The following DOCK9 variants were observed in gnomAD, a reference collection of about 807,000 sequenced individuals.
DOCK9 encodes the protein dedicator of cytokinesis protein 9.
Under a neutral mutation model 263.3 loss-of-function variants are expected in DOCK9, and 89 were observed. That is an observed-to-expected ratio of 0.34 (90% CI 0.28 to 0.40). The LOEUF is 0.40. DOCK9 is among the 10% of genes least tolerant of loss of function. The pLI is 1.00. For missense variants in DOCK9, 2,140 were observed against 2,603.4 expected, an observed-to-expected ratio of 0.82 and a Z score of 3.87; for synonymous variants, 976 against 973.1, an observed-to-expected ratio of 1.00 and a Z score of -0.06.
rs762302499 is a variant in DOCK9 at position 98,817,364 on chromosome 13, G to C, written c.5130+7034C>G. Among the ~76,000 whole-genome samples, 7 of 150,478 alleles carry C rather than the reference G, an allele frequency of 4.7e-5. 1 individual carries two copies. The highest frequency in any genetic ancestry group is 3.0e-5 in the Non-Finnish European group (2 of 67,768). On this transcript the variant is annotated intron_variant, in intron 45 of 52. Transcript: ENST00000682017. ...TGCTTCCTGTTAAACCTGCGGAACT[G>C]TGAGTCAATTAAACCTTTTTTCTTT...
chr13:98,874,369 C>T (rs1418164057), intron 27 of DOCK9, among the ~76,000 whole-genome samples: 1 of 152,214 alleles, frequency 6.6e-6, no homozygotes, highest in African/African-American at 2.4e-5. Flanking sequence ...GGAGTTACCA[C>T]AATTTGTGTA....
At chr13:99,014,792 G>A (rs1464663891) in intron 1 of DOCK9, among the ~76,000 whole-genome samples, 1 of 152,118 alleles carries the variant, frequency 6.6e-6, no homozygotes, top group Non-Finnish European at 1.5e-5. Context: ...TGGTGGGAAG[G>A]CCACAAGAGG....
intron 1 of DOCK9, among the ~76,000 whole-genome samples, chr13:99,008,786 G>A (rs1883949578): frequency 6.6e-6 from 1 of 152,138 alleles, no homozygotes; most frequent in South Asian, 2.1e-4. Flanking sequence ...GGGGTCCCAG[G>A]AGGATCATTT....
At chr13:98,964,186 C>T (rs1850048954) in intron 1 of DOCK9, among the ~76,000 whole-genome samples, 1 of 152,222 alleles carries the variant, frequency 6.6e-6, no homozygotes, top group African/African-American at 2.4e-5. Flanking sequence ...TGAATGACAG[C>T]AGCAGGGACC....
At chr13:98,955,005 T>A (rs550942028) in intron 2 of DOCK9, among the ~76,000 whole-genome samples, 115 of 152,260 alleles carry the variant, frequency 7.6e-4, no homozygotes, top group African/African-American at 2.6e-3. Flanking sequence ...TTAAATAACA[T>A]CTTATTTTCA....
intron 1 of DOCK9, among the ~76,000 whole-genome samples, chr13:99,010,365 A>T (rs1209158203): frequency 6.6e-6 from 1 of 152,240 alleles, no homozygotes; most frequent in Non-Finnish European, 1.5e-5. Context: ...AGACAAGGAA[A>T]AATTGAATTG....
chr13:98,931,067 G>A (rs867939082), intron 2 of DOCK9, among the ~76,000 whole-genome samples: 1 of 152,084 alleles, frequency 6.6e-6, no homozygotes, highest in Non-Finnish European at 1.5e-5. Context: ...CATCCCCAGC[G>A]CCTAAGAGCA....
chr13:98,822,326 G>C (rs1291316922), intron 45 of DOCK9, among the ~76,000 whole-genome samples: 1 of 152,160 alleles, frequency 6.6e-6, no homozygotes, highest in Non-Finnish European at 1.5e-5. Flanking sequence ...AATTCATTAG[G>C]CTCTAACATA....
intron 1 of DOCK9, among the ~76,000 whole-genome samples, chr13:98,975,361 C>CAAAAA (rs759586261): frequency 8.1e-6 from 1 of 123,252 alleles, no homozygotes; most frequent in Non-Finnish European, 1.8e-5. Flanking sequence ...GACTTTGTCT[C>CAAAAA]AAAAAAAAAA....
Position 98,880,661 on chromosome 13 carries a change from C to T in DOCK9, c.2757G>A (p.Lys919=), listed in dbSNP as rs1471799419. The T allele has an allele frequency of 1.9e-6, 3 of 1,613,502 alleles. No homozygotes were observed. Among genetic ancestry groups the T allele is most frequent in the East Asian group, 4.5e-5 (2 of 44,872 alleles). The change falls in exon 26 of 53, where the codon AAG becomes AAA. Residue 919 remains lysine, a synonymous_variant. Transcript: ENST00000682017. ...ATTCAGAGGCAACATATGGCTCAGC[C>T]TTATACGCGTACTTTGAAGAAAAGA... ...HLRSYVKYAY[K]AEPYVASEYK... is the part of the protein sequence containing the mutation.
intron 1 of DOCK9, among the ~76,000 whole-genome samples, chr13:99,015,166 T>C (rs376998437): frequency 1.3e-5 from 2 of 152,358 alleles, no homozygotes; most frequent in East Asian, 1.9e-4. Context: ...TCTAGGACTA[T>C]ACCAAGAACA....
In DOCK9 at chr13:98,976,054, G is replaced by A. The variant is rs556809662; in HGVS notation, c.126+1730C>T. ...CCTGCTGAAATATCCTTGCTTCCCT[G>A]ATCTGACATTAGCTCTTCTTATCTT... On this transcript the variant is annotated intron_variant, in intron 1 of 52. Coordinates refer to ENST00000682017, the MANE Select transcript of DOCK9 (RefSeq NM_001366683.2). Among the ~76,000 whole-genome samples, 3 of 152,114 alleles carry A rather than the reference G, an allele frequency of 2.0e-5. No homozygotes were observed. In the East Asian group the frequency reaches 5.8e-4, roughly 30 times the overall value.
chr13:99,006,816 G>A (rs1427453994), intron 1 of DOCK9, among the ~76,000 whole-genome samples: 1 of 152,202 alleles, frequency 6.6e-6, no homozygotes, highest in East Asian at 1.9e-4. Flanking sequence ...GCATGGTGGG[G>A]TGTGGTGGCT....
chr13:99,030,929 T>C (rs1566326962), intron 1 of DOCK9, among the ~76,000 whole-genome samples: 1 of 152,224 alleles, frequency 6.6e-6, no homozygotes, highest in Non-Finnish European at 1.5e-5. Context: ...CATTTGTTGA[T>C]TGCTAGATGA....
intron 1 of DOCK9, among the ~76,000 whole-genome samples, chr13:99,008,900 G>A (rs890307495): frequency 6.6e-6 from 1 of 152,198 alleles, no homozygotes; most frequent in Non-Finnish European, 1.5e-5. Flanking sequence ...AGTCCCATTA[G>A]GGGTTAGAGC....
chr13:99,053,961 T>A (rs1353189137), intron 1 of DOCK9, among the ~76,000 whole-genome samples: 1 of 151,658 alleles, frequency 6.6e-6, no homozygotes, highest in Non-Finnish European at 1.5e-5. Context: ...GACTACCACA[T>A]CTCAAAGAAG....
chr13:98,811,350 A>T (rs2091278777), intron 45 of DOCK9, among the ~76,000 whole-genome samples: 1 of 151,472 alleles, frequency 6.6e-6, no homozygotes, highest in South Asian at 2.1e-4. Flanking sequence ...AGTTCTTTAT[A>T]TACTGTGGAT....
chr13:98,837,579 T>C lies in DOCK9; in HGVS notation c.4229A>G (p.His1410Arg). The stretch of plus-strand genomic sequence containing the variant: ...AATGTTGGCTTCAAGTAATGACTGG[T>C]GCAGAACATCTGCGTCCGAGTGGCC... ...SYGHSDADVL[H>R]QSLLEANIAT... Residue 1410 changes from histidine to arginine, a missense_variant, in exon 39 of 53, where the codon CAC (histidine) becomes CGC (arginine). Around this residue, in one of 2 missense-constraint regions of DOCK9, gnomAD observed 1,521 missense variants for 1,741.7 expected, o/e 0.87. Coordinates refer to ENST00000682017, the MANE Select transcript of DOCK9 (RefSeq NM_001366683.2). 1 of 1,613,722 alleles carries C rather than the reference T, an allele frequency of 6.2e-7. No homozygotes were observed. The highest frequency in any genetic ancestry group is 8.5e-7 in the Non-Finnish European group (1 of 1,179,720).
chr13:98,912,721 T>C (rs1239256986), intron 9 of DOCK9, among the ~76,000 whole-genome samples: 4 of 152,128 alleles, frequency 2.6e-5, no homozygotes, highest in South Asian at 2.1e-4. Context: ...TATATCCTCA[T>C]AGGAAAAAGC....
Sources: allele counts gnomAD v4.1 joint callset (sites outside exome capture counted in the v4.1 genomes callset), GRCh38; gene constraint gnomAD v4.1.1; regional missense constraint gnomAD v4.1.1; transcripts MANE v1.5; gene names NCBI Gene and HGNC (gene_info 2026-07-23, HGNC 2026-07-21).